CACNA1C: variants seen among roughly 807,000 people sequenced by gnomAD.
The protein encoded by CACNA1C is voltage-dependent L-type calcium channel subunit alpha-1C.
Under a neutral mutation model 229.0 loss-of-function variants are expected in CACNA1C, and 30 were observed. The observed-to-expected ratio is 0.13, with a 90% confidence interval of 0.10 to 0.18. The LOEUF is 0.18. CACNA1C is among the 10% of genes least tolerant of loss of function. The pLI is 1.00. For synonymous variants in CACNA1C, 1,114 were observed against 1,132.5 expected (o/e 0.98, Z 0.33); for missense variants, 1,658 against 2,845.0 (o/e 0.58, Z 9.49).
intron 18 of CACNA1C, among the ~76,000 whole-genome samples, chr12:2,587,785 C>T (rs780113214): frequency 1.3e-5 from 2 of 152,100 alleles, no homozygotes; most frequent in South Asian, 2.1e-4. Context: ...GCCCGCTCCC[C>T]GTCATTTCTG....
rs1001528427 is a variant in CACNA1C, at chr12:2,053,482, AT to A, written c.-79del. 1 of 1,529,976 alleles carries A rather than the reference AT, an allele frequency of 6.5e-7. No individual in the cohort carries two copies. Among genetic ancestry groups the A allele is most frequent in the African/African-American group, 1.4e-5 (1 of 72,082 alleles). 94.8% of individuals were successfully genotyped at this position (1,529,976 alleles called of 1,614,324 possible). Reference sequence around the variant, plus strand: ...GAAAGCCGCCGGCCTCGGAGGAGGGATTAATCCAGACCCGCCGGGGGGTGTT... The same window carrying A: ...GAAAGCCGCCGGCCTCGGAGGAGGGATAATCCAGACCCGCCGGGGGGTGTT... On this transcript the variant is annotated 5_prime_UTR_variant, in exon 1 of 47. Transcript: ENST00000399655. The surrounding 1 kb of genome is among the most constrained non-coding windows in gnomAD (Gnocchi z 5.8).
rs186905679 is a variant in CACNA1C at position 2,113,973 on chromosome 12, C to A, written c.50-1251C>A. On this transcript the variant is annotated intron_variant, in intron 1 of 46. Transcript: ENST00000399655. ...AATCAGGTTTCCTTCCTGACACTGT[C>A]CCTCTCCCCTACCCCATCAACCCCT... Among the ~76,000 whole-genome samples, 14 of 152,360 alleles carry A rather than the reference C, an allele frequency of 9.2e-5. No homozygotes were observed. In the East Asian group the frequency reaches 2.3e-3, roughly 25 times the overall value.
intron 30 of CACNA1C, among the ~76,000 whole-genome samples, chr12:2,637,199 A>T: frequency 6.6e-6 from 1 of 152,122 alleles, no homozygotes; most frequent in East Asian, 1.9e-4. Context: ...CTGTTTTTTC[A>T]TCTGTCAGAG....
At chr12:2,150,250 A>T (rs1268410289) in intron 3 of CACNA1C, among the ~76,000 whole-genome samples, 1 of 152,150 alleles carries the variant, frequency 6.6e-6, no homozygotes, top group Non-Finnish European at 1.5e-5. Flanking sequence ...GGAGAATAGG[A>T]TGGGTCTTGT....
intron 13 of CACNA1C, 82 bp downstream of exon 13, chr12:2,567,876 G>A: frequency 1.3e-6 from 1 of 767,836 alleles, no homozygotes; most frequent in Non-Finnish European, 2.2e-6. Context: ...CAAGGCCTGG[G>A]TGGGAGGGGG....
chr12:2,501,796 C>G (rs1054226313), intron 7 of CACNA1C, among the ~76,000 whole-genome samples: 2 of 152,248 alleles, frequency 1.3e-5, no homozygotes, highest in African/African-American at 2.4e-5. Flanking sequence ...TCCCAGGCTC[C>G]CTGGGATGGG....
intron 9 of CACNA1C, among the ~76,000 whole-genome samples, chr12:2,531,934 C>G (rs1778509276): frequency 6.6e-6 from 1 of 152,152 alleles, no homozygotes; most frequent in African/African-American, 2.4e-5. Flanking sequence ...AGGAACTTAC[C>G]AGTCACAAAA....
At chr12:2,079,155 G>A (rs1037637300) in intron 1 of CACNA1C, among the ~76,000 whole-genome samples, 5 of 151,320 alleles carry the variant, frequency 3.3e-5, no homozygotes, top group African/African-American at 7.3e-5. Flanking sequence ...GGGAGGGATA[G>A]CATTAGGAGA....
At chr12:2,315,572 G>T (rs1268562195) in intron 3 of CACNA1C, among the ~76,000 whole-genome samples, 1 of 152,200 alleles carries the variant, frequency 6.6e-6, no homozygotes, top group Non-Finnish European at 1.5e-5. Flanking sequence ...AGAAACGAAG[G>T]CAGGTGTTGT....
chr12:2,210,674 G>A (rs2097892082), intron 3 of CACNA1C, among the ~76,000 whole-genome samples: 1 of 152,184 alleles, frequency 6.6e-6, no homozygotes, highest in Non-Finnish European at 1.5e-5. Context: ...AGAGGACAGG[G>A]TCCCAGTTTC....
intron 1 of CACNA1C, among the ~76,000 whole-genome samples, chr12:1,985,960 GCCA>G (rs1228325083): frequency 1.3e-5 from 2 of 152,112 alleles, no homozygotes; most frequent in Non-Finnish European, 2.9e-5. Context: ...GCAGGTGCCT[GCCA>G]CCACACTTGG....
At chr12:2,429,431 A>G in intron 3 of CACNA1C, among the ~76,000 whole-genome samples, 1 of 152,158 alleles carries the variant, frequency 6.6e-6, no homozygotes, top group East Asian at 1.9e-4. Flanking sequence ...TTCAGCAGGC[A>G]CACACCAAGT....
chr12:2,088,904 C>T (rs112050296), intron 1 of CACNA1C, among the ~76,000 whole-genome samples: 2,474 of 152,250 alleles, frequency 0.016, 74 homozygotes, highest in African/African-American at 0.056. Flanking sequence ...CTGCATTAGG[C>T]GGGCTGGGCA....
At position 2,140,357 on chromosome 12, in the gene CACNA1C, C is replaced by G. The variant is rs1413860954; in HGVS notation, c.477+19927C>G. On this transcript the variant is annotated intron_variant, in intron 3 of 46. Transcript: ENST00000399655. ...AGTCACTTTTGGTTTGGTGTCTGTT[C>G]TTAACACAGTTCCTGAAACATAGAA... 3.3e-5 allele frequency among the ~76,000 whole-genome samples: 5 copies of G among 151,410 alleles called. No homozygotes were observed. The Admixed American group carries it at 3.3e-4, about 10-fold the overall frequency.
At chr12:2,340,056 A>G (rs1480637974) in intron 3 of CACNA1C, among the ~76,000 whole-genome samples, 1 of 152,214 alleles carries the variant, frequency 6.6e-6, no homozygotes, top group Non-Finnish European at 1.5e-5. Flanking sequence ...AATCTGCAGT[A>G]TAATGTGGAA....
intron 21 of CACNA1C, among the ~76,000 whole-genome samples, chr12:2,598,098 A>G (rs1435066390): frequency 6.6e-6 from 1 of 152,220 alleles, no homozygotes; most frequent in East Asian, 1.9e-4. Flanking sequence ...GGGCCATTAC[A>G]GACTACTGCC....
chr12:1,979,040 C>T (rs1392657404), intron 1 of CACNA1C, among the ~76,000 whole-genome samples: 2 of 152,178 alleles, frequency 1.3e-5, no homozygotes, highest in South Asian at 2.1e-4. Flanking sequence ...TTCGGAGTCT[C>T]ACTCTGTCAC....
chr12:2,384,226 ACTGT>A (rs2098326018), intron 3 of CACNA1C, among the ~76,000 whole-genome samples: 1 of 152,200 alleles, frequency 6.6e-6, no homozygotes. Context: ...GGGTTACTGT[ACTGT>A]CTTTGTGTAA....
rs2097288282 is a variant in CACNA1C at position 2,354,188 on chromosome 12, C to T, written c.478-94788C>T. Among the ~76,000 whole-genome samples, 4 of 152,262 alleles carry T rather than the reference C, an allele frequency of 2.6e-5. No homozygotes were observed. Among genetic ancestry groups the T allele is most frequent in the South Asian group, 2.1e-4 (1 of 4,826 alleles). On this transcript the variant is annotated intron_variant, in intron 3 of 46. Coordinates refer to ENST00000399655, the MANE Select transcript of CACNA1C (RefSeq NM_000719.7). This position sits in a 1 kb window ranked among gnomAD's most constrained non-coding sequence, Gnocchi z 4.6. ...GAACCCCTTAACCCAGTGGAAGCCC[C>T]GCCTTTCATGTGGGCCCCGCACAGT...
Sources: gnomAD v4.1 joint callset for allele counts (sites outside exome capture counted in the v4.1 genomes callset) on GRCh38, gnomAD v4.1.1 for gene constraint, Gnocchi (gnomAD v3.1) non-coding constraint, MANE v1.5 for transcripts, NCBI Gene and HGNC (gene_info 2026-07-23, HGNC 2026-07-21) for gene names.